Variants in CFAP90 observed in about 807,000 individuals in gnomAD.
CFAP90 encodes the protein cilia- and flagella-associated protein 90.
chr5:7,850,670 C>A, the CFAP90 span, among the ~76,000 whole-genome samples: 5 of 148,904 alleles, frequency 3.4e-5, no homozygotes, highest in South Asian at 2.1e-4. Flanking sequence ...CCCCCAGGCC[C>A]CTTTCCCTAA....
At chr5:7,844,146 T>G in the CFAP90 span, among the ~76,000 whole-genome samples, 1 of 152,198 alleles carries the variant, frequency 6.6e-6, no homozygotes, top group South Asian at 2.1e-4. Context: ...TTTAAGGAGC[T>G]ACCTGCCCTG....
chr5:7,842,200 A>ACC, the CFAP90 span, among the ~76,000 whole-genome samples: 1,452 of 152,034 alleles, frequency 9.6e-3, 13 homozygotes, highest in South Asian at 0.022. Context: ...TAACTGGGGT[A>ACC]AGTTTTAGAG....
At chr5:7,832,897 G>A in the CFAP90 span, among the ~76,000 whole-genome samples, 15 of 152,176 alleles carry the variant, frequency 9.9e-5, no homozygotes, top group Non-Finnish European at 2.1e-4. Flanking sequence ...CAATAACTTT[G>A]CATCAACTTA....
the CFAP90 span, among the ~76,000 whole-genome samples, chr5:7,842,743 A>G: frequency 4.6e-5 from 7 of 152,204 alleles, no homozygotes; most frequent in African/African-American, 7.2e-5. Flanking sequence ...CATGGTTATT[A>G]TGTTAAGCCC....
At chr5:7,844,563 G>C in the CFAP90 span, among the ~76,000 whole-genome samples, 3 of 152,234 alleles carry the variant, frequency 2.0e-5, no homozygotes, top group Non-Finnish European at 4.4e-5. Context: ...AGATAACTAA[G>C]GAAAATACTT....
chr5:7,841,438 G>A, the CFAP90 span, among the ~76,000 whole-genome samples: 175 of 152,228 alleles, frequency 1.1e-3, 1 homozygote, highest in Non-Finnish European at 1.7e-3. Flanking sequence ...AGACCTAGAG[G>A]CAGAAATACC....
the CFAP90 span, among the ~76,000 whole-genome samples, chr5:7,839,750 G>A: frequency 2.0e-5 from 3 of 152,290 alleles, no homozygotes; most frequent in Middle Eastern, 3.4e-3. Flanking sequence ...GCTTGTGGGT[G>A]TGGAGTGATC....
At chr5:7,834,094 T>G in the CFAP90 span, among the ~76,000 whole-genome samples, 1 of 152,130 alleles carries the variant, frequency 6.6e-6, no homozygotes, top group Non-Finnish European at 1.5e-5. Context: ...TAAAACAACC[T>G]CAAGCAGGTT....
the CFAP90 span, among the ~76,000 whole-genome samples, chr5:7,843,942 A>G: frequency 6.6e-6 from 1 of 152,166 alleles, no homozygotes; most frequent in Non-Finnish European, 1.5e-5. Context: ...CATGCACTCA[A>G]TGAAAAGACA....
chr5:7,850,314 G>A, the CFAP90 span, among the ~76,000 whole-genome samples: 1 of 146,180 alleles, frequency 6.8e-6, no homozygotes, highest in African/African-American at 2.5e-5. Context: ...AGGCTGTCCA[G>A]CCCCGCCCCT....
At chr5:7,831,976 G>A in the CFAP90 span, 2 of 1,614,042 alleles carry the variant, frequency 1.2e-6, no homozygotes, top group Non-Finnish European at 1.7e-6. Flanking sequence ...TGGGCTGATT[G>A]ATGCGCTTCC....
chr5:7,832,148 C>T, the CFAP90 span: 2 of 963,122 alleles, frequency 2.1e-6, no homozygotes, highest in African/African-American at 3.3e-5. Context: ...CCATGGTAGA[C>T]CAAGAGGGAA....
the CFAP90 span, chr5:7,835,506 A>G: frequency 2.7e-6 from 4 of 1,476,094 alleles, no homozygotes; most frequent in Admixed American, 3.7e-5. Context: ...TGTCTAGGAA[A>G]AAAAAGAGAA....
chr5:7,840,341 G>T, the CFAP90 span, among the ~76,000 whole-genome samples: 1 of 152,162 alleles, frequency 6.6e-6, no homozygotes, highest in Admixed American at 6.5e-5. Flanking sequence ...TAGAGTGGAG[G>T]CCTCCAGTTT....
chr5:7,850,070 G>A, the CFAP90 span, among the ~76,000 whole-genome samples: 1 of 152,072 alleles, frequency 6.6e-6, no homozygotes, highest in Non-Finnish European at 1.5e-5. Flanking sequence ...GAAGAGCACC[G>A]GGTCCTATCT....
chr5:7,831,939 G>A, the CFAP90 span: 153 of 1,614,136 alleles, frequency 9.5e-5, no homozygotes, highest in Admixed American at 7.0e-4. Context: ...TGGTTGGCAC[G>A]GCCAAAGTCC....
the CFAP90 span, chr5:7,850,906 T>C: frequency 7.4e-7 from 1 of 1,360,506 alleles, no homozygotes; most frequent in East Asian, 2.8e-5. Context: ...GCTGTGCTCT[T>C]TGGGGTCCAG....
At chr5:7,846,890 G>T in the CFAP90 span, among the ~76,000 whole-genome samples, 2 of 152,098 alleles carry the variant, frequency 1.3e-5, no homozygotes, top group Admixed American at 1.3e-4. Context: ...GAGACTAGAG[G>T]TATGGCCACC....
the CFAP90 span, chr5:7,835,295 T>C: frequency 1.3e-6 from 1 of 745,990 alleles, no homozygotes; most frequent in Non-Finnish European, 2.2e-6. Flanking sequence ...TGAAGCCTAA[T>C]AAAGTGAAGT....
Sources: allele counts gnomAD v4.1 joint callset (sites outside exome capture counted in the v4.1 genomes callset), GRCh38; gene constraint gnomAD v4.1.1; transcripts MANE v1.5; gene names NCBI Gene and HGNC (gene_info 2026-07-23, HGNC 2026-07-21).